The following YAF2 variants were observed in gnomAD, a reference collection of about 807,000 sequenced individuals.
The protein encoded by YAF2 is YY1 associated factor 2.
A neutral mutation model predicts 20.1 loss-of-function variants in YAF2; 7 were observed. The observed-to-expected ratio is 0.35, with a 90% CI of 0.20 to 0.65. The LOEUF (loss-of-function observed/expected upper bound fraction) is 0.65. Ranked by LOEUF, YAF2 falls within the 30% of genes least tolerant of loss-of-function variation. YAF2 has a pLI of 0.69. For missense variants in YAF2, 151 were observed against 219.2 expected (o/e 0.69, Z 1.96); for synonymous variants, 74 against 76.0 (o/e 0.97, Z 0.14).
rs1390771625 is a variant in YAF2, at chr12:42,158,217, T to G, written c.*2372A>C. The G allele has an allele frequency of 6.6e-6, 1 of 152,166 alleles. No individual in the cohort carries two copies. The highest frequency in any genetic ancestry group is 1.9e-4 in the East Asian group (1 of 5,198). The allele number at this position is 152,166 out of a possible 1,614,324, so 9.4% of individuals were successfully genotyped here. ...AAAGTAAAATAATTTCAAGTCAACT[T>G]AATTCATTTCTCCAATCTCATAGTG... On this transcript the variant is annotated 3_prime_UTR_variant, in exon 4 of 4. Coordinates refer to ENST00000534854, the MANE Select transcript of YAF2 (RefSeq NM_005748.6).
chr12:42,186,757 A>C (rs2066485893), intron 2 of YAF2, among the ~76,000 whole-genome samples: 1 of 152,180 alleles, frequency 6.6e-6, no homozygotes, highest in Non-Finnish European at 1.5e-5. Context: ...TTAGTATTAA[A>C]TTTGCCAATG....
intron 2 of YAF2, among the ~76,000 whole-genome samples, chr12:42,171,149 T>C (rs2066037214): frequency 6.6e-6 from 1 of 152,086 alleles, no homozygotes; most frequent in Non-Finnish European, 1.5e-5. Flanking sequence ...TGTGCCACCA[T>C]ACCTGGCTAA....
At chr12:42,192,106 G>T (rs1404947365) in intron 2 of YAF2, among the ~76,000 whole-genome samples, 1 of 151,658 alleles carries the variant, frequency 6.6e-6, no homozygotes, top group Non-Finnish European at 1.5e-5. Flanking sequence ...GAAACTGAAA[G>T]AAATTTAGTA....
chr12:42,161,546 G>A lies in YAF2; in HGVS notation c.305+67C>T, dbSNP rs111886233. Reference sequence around the variant, plus strand: ...ACTTCCACTTTGTGTATATTAGTATGTCAAGGTTAAAAAAATTAAATGGTT... The same window carrying A: ...ACTTCCACTTTGTGTATATTAGTATATCAAGGTTAAAAAAATTAAATGGTT... On this transcript the variant is annotated intron_variant, in intron 3 of 3. Transcript: ENST00000534854. 2.0e-3 allele frequency: 2,892 copies of A among 1,472,948 alleles called. 48 individuals carry two copies. The African/African-American group carries it at 0.037, about 19-fold the overall frequency. The allele number at this position is 1,472,948 out of a possible 1,614,324, so 91.2% of individuals were successfully genotyped here.
chr12:42,205,291 C>T (rs1449842604), intron 2 of YAF2, among the ~76,000 whole-genome samples: 1 of 151,710 alleles, frequency 6.6e-6, no homozygotes, highest in African/African-American at 2.4e-5. Context: ...TCAGTCTCAT[C>T]TATTTTTCTT....
intron 2 of YAF2, chr12:42,210,800 CA>C: frequency 1.2e-6 from 1 of 855,072 alleles, no homozygotes; most frequent in Non-Finnish European, 1.7e-6. Context: ...AATATGGAAA[CA>C]ATTTGCTAAA....
intron 1 of YAF2, 186 bp from the exon 2 acceptor site, chr12:42,237,910 C>A: frequency 4.0e-6 from 2 of 496,548 alleles, no homozygotes; most frequent in Non-Finnish European, 5.3e-6. Context: ...GGCGCGAGCG[C>A]GGCCGCAGTC....
At chr12:42,218,348 T>G (rs2137285443) in intron 2 of YAF2, among the ~76,000 whole-genome samples, 1 of 152,240 alleles carries the variant, frequency 6.6e-6, no homozygotes, top group Non-Finnish European at 1.5e-5. Context: ...TTTCCCTTTT[T>G]GACTGATGAA....
At chr12:42,200,496 TA>T (rs1259618118) in intron 2 of YAF2, among the ~76,000 whole-genome samples, 1 of 152,252 alleles carries the variant, frequency 6.6e-6, no homozygotes, top group African/African-American at 2.4e-5. Context: ...AAATGAAGAT[TA>T]AAACAACAAA....
chr12:42,197,573 G>C (rs2066786798), intron 2 of YAF2, among the ~76,000 whole-genome samples: 1 of 152,168 alleles, frequency 6.6e-6, no homozygotes, highest in African/African-American at 2.4e-5. Context: ...ACAGGGTTGG[G>C]AAGAACTAAA....
At chr12:42,183,595 C>T (rs559263898) in intron 2 of YAF2, among the ~76,000 whole-genome samples, 1 of 152,296 alleles carries the variant, frequency 6.6e-6, no homozygotes, top group South Asian at 2.1e-4. Context: ...CACAGCAAGA[C>T]CCTAACTCCA....
chr12:42,200,467 A>G (rs2137154903), intron 2 of YAF2, among the ~76,000 whole-genome samples: 1 of 152,262 alleles, frequency 6.6e-6, no homozygotes, highest in Admixed American at 6.5e-5. Context: ...TTTTTCTACT[A>G]TACACCAGTA....
chr12:42,210,437 G>A, intron 2 of YAF2: 1 of 1,534,382 alleles, frequency 6.5e-7, no homozygotes, highest in Non-Finnish European at 8.7e-7. Context: ...GAATCTTCCT[G>A]ATGGGCATCC....
intron 2 of YAF2, among the ~76,000 whole-genome samples, chr12:42,230,585 TC>T (rs1484135082): frequency 1.3e-5 from 2 of 152,136 alleles, no homozygotes; most frequent in Non-Finnish European, 2.9e-5. Flanking sequence ...GTCCAATAGT[TC>T]ATGACAGAAG....
chr12:42,188,316 T>G lies in YAF2; in HGVS notation c.153-26551A>C, dbSNP rs2066524989. Among the ~76,000 whole-genome samples, 4 of 151,990 alleles carry G rather than the reference T, an allele frequency of 2.6e-5. No homozygotes were observed. In the South Asian group the frequency reaches 8.3e-4, roughly 31 times the overall value. On this transcript the variant is annotated intron_variant, in intron 2 of 3. Coordinates refer to ENST00000534854, the MANE Select transcript of YAF2 (RefSeq NM_005748.6). The stretch of plus-strand genomic sequence containing the variant: ...TAGTCTGTCATTATTTCTTGGTTTC[T>G]AAGATCATTTAATTATCTTCTTTGT...
At chr12:42,184,999 C>T (rs1426307228) in intron 2 of YAF2, among the ~76,000 whole-genome samples, 1 of 152,142 alleles carries the variant, frequency 6.6e-6, no homozygotes, top group African/African-American at 2.4e-5. Context: ...CAATATGGCG[C>T]AACCCTGTCT....
Position 42,160,422 on chromosome 12 carries a change from T to A in YAF2, c.*167A>T. 1.7e-6 allele frequency: 1 copy of A among 602,436 alleles called. No homozygotes were observed. The highest frequency in any genetic ancestry group is 2.2e-5 in the South Asian group (1 of 45,828). 37.3% of individuals were successfully genotyped at this position (602,436 alleles called of 1,614,324 possible). On this transcript the variant is annotated 3_prime_UTR_variant, in exon 4 of 4. Transcript: ENST00000534854. ...TAAGTCTGGAAATGTTTGGTAGGCA[T>A]CATTGCAATAAAATCTAACAAATTC...
chr12:42,168,846 A>G (rs1401609314), intron 2 of YAF2, among the ~76,000 whole-genome samples: 2 of 152,042 alleles, frequency 1.3e-5, no homozygotes, highest in East Asian at 1.9e-4. Context: ...AATTAAATTT[A>G]TAATTAGTAT....
chr12:42,158,626 A>G lies in YAF2; in HGVS notation c.*1963T>C, dbSNP rs2065743893. 1 of 152,174 alleles carries G rather than the reference A, an allele frequency of 6.6e-6. No individual in the cohort carries two copies. The highest frequency in any genetic ancestry group is 1.5e-5 in the Non-Finnish European group (1 of 68,020). The allele number at this position is 152,174 out of a possible 1,614,324, so 9.4% of individuals were successfully genotyped here. A position where few individuals can be genotyped will look rare whatever the true frequency, so the allele number is the denominator to read the frequency against. On this transcript the variant is annotated 3_prime_UTR_variant, in exon 4 of 4. Transcript: ENST00000534854. ...CAACAGGATTCAAACATGAGGTGTC[A>G]GTTAGCACGCTTAATCTCCATGCTA...
Sources: gnomAD v4.1 joint callset for allele counts (sites outside exome capture counted in the v4.1 genomes callset) on GRCh38, gnomAD v4.1.1 for gene constraint, MANE v1.5 for transcripts, NCBI Gene and HGNC (gene_info 2026-07-23, HGNC 2026-07-21) for gene names.